The following AMPD3 variants were observed in gnomAD, a reference collection of about 807,000 sequenced individuals.
AMPD3 encodes AMP deaminase 3.
In AMPD3, 57 loss-of-function variants were observed where a neutral mutation model predicts 82.3. The ratio of observed to expected loss-of-function variants is 0.69; its 90% CI spans 0.56 to 0.86. The LOEUF (loss-of-function observed/expected upper bound fraction) is 0.86, where lower values mean the gene tolerates loss of function less well. AMPD3 is among the 40% of genes least tolerant of loss of function. The pLI, the probability that AMPD3 is intolerant of heterozygous loss-of-function variation, is 0.00. For missense variants in AMPD3, 870 were observed against 1,003.8 expected, an observed-to-expected ratio of 0.87 and a Z score of 1.80; for synonymous variants, 381 against 394.7, an observed-to-expected ratio of 0.97 and a Z score of 0.41.
At chr11:10,459,806 C>T (rs1848205319) in intron 1 of AMPD3, among the ~76,000 whole-genome samples, 1 of 151,766 alleles carries the variant, frequency 6.6e-6, no homozygotes, top group South Asian at 2.1e-4. Flanking sequence ...GGGACAGAGG[C>T]AGGAACCAGG....
chr11:10,461,637 C>G lies in AMPD3; in HGVS notation c.118C>G (p.Leu40Val). The G allele has an allele frequency of 1.2e-6, 2 of 1,614,268 alleles. No individual in the cohort carries two copies. The highest frequency in any genetic ancestry group is 1.7e-6 in the Non-Finnish European group (2 of 1,180,044). Residue 40 changes from leucine (L) to valine (V), a missense_variant, in exon 2 of 15, where the codon CTG (leucine) becomes GTG (valine). Coordinates refer to ENST00000396553, the MANE Select transcript of AMPD3 (RefSeq NM_001025389.2). Reference protein sequence around the residue: ...REEDSKDALSLFTVPEDCPIG... With the variant: ...REEDSKDALSVFTVPEDCPIG... Reference sequence around the variant, plus strand: ...AGAGGACAGCAAAGATGCCCTGTCCCTGTTCACTGTCCCAGAGGACTGCCC... The same window carrying G: ...AGAGGACAGCAAAGATGCCCTGTCCGTGTTCACTGTCCCAGAGGACTGCCC...
intron 2 of AMPD3, among the ~76,000 whole-genome samples, chr11:10,468,511 A>G (rs1050575532): frequency 3.3e-5 from 5 of 152,222 alleles, no homozygotes; most frequent in Non-Finnish European, 5.9e-5. Flanking sequence ...GAGCACCCAG[A>G]TTCATAAAGC....
At chr11:10,455,992 G>A in intron 1 of AMPD3, 1 of 985,380 alleles carries the variant, frequency 1.0e-6, no homozygotes, top group East Asian at 1.1e-4. Flanking sequence ...GGAGGCTGTG[G>A]CTTATCTCCT....
At position 10,456,494 on chromosome 11, in the gene AMPD3, C is replaced by G; in HGVS notation, c.-6+1046C>G. 3 of 1,613,282 alleles carry G rather than the reference C, an allele frequency of 1.9e-6. No homozygotes were observed. The highest frequency in any genetic ancestry group is 2.5e-6 in the Non-Finnish European group (3 of 1,179,434). ...GGGGATTTCAGTGGCACTGGGCTTC[C>G]TTTCTGGAGGGACTGTGGCACCATG... On this transcript the variant is annotated intron_variant, in intron 1 of 14. Coordinates refer to ENST00000396553, the MANE Select transcript of AMPD3 (RefSeq NM_001025389.2). The surrounding 1 kb of genome is among the most constrained non-coding windows in gnomAD (Gnocchi z 4.3).
At position 10,477,846 on chromosome 11, in the gene AMPD3, G is replaced by A. The variant is rs373169412; in HGVS notation, c.222-680G>A. 17 of 980,910 alleles carry A rather than the reference G, an allele frequency of 1.7e-5. No homozygotes were observed. The African/African-American group carries it at 2.4e-4, about 14-fold the overall frequency. The allele number at this position is 980,910 out of a possible 1,614,324, so 60.8% of individuals were successfully genotyped here. On this transcript the variant is annotated intron_variant, in intron 2 of 14. Transcript: ENST00000396553. ...CTGGGAAAGTGTCTGTGAGAAGTAGGCTGATCTTGCAGATCTCCTTGGCAC... is the reference window on the plus strand; with the variant it reads ...CTGGGAAAGTGTCTGTGAGAAGTAGACTGATCTTGCAGATCTCCTTGGCAC...
intron 2 of AMPD3, chr11:10,477,963 C>T (rs1232058813): frequency 1.0e-6 from 1 of 985,324 alleles, no homozygotes; most frequent in Non-Finnish European, 1.2e-6. Flanking sequence ...GTCTCGACTC[C>T]TTTGTAAAAC....
chr11:10,482,566 C>T (rs1258787607), intron 4 of AMPD3, among the ~76,000 whole-genome samples: 1 of 151,678 alleles, frequency 6.6e-6, no homozygotes, highest in African/African-American at 2.4e-5. Context: ...GGCTGGCATG[C>T]AGTGGTGCAA....
intron 2 of AMPD3, 85 bp downstream of exon 2, chr11:10,461,825 C>A (rs1848279903): frequency 7.9e-7 from 1 of 1,272,116 alleles, no homozygotes; most frequent in South Asian, 1.3e-5. Context: ...TATGAGGCAC[C>A]TCATGGGGAC....
chr11:10,479,023 C>G (rs930963845), intron 3 of AMPD3, among the ~76,000 whole-genome samples: 4 of 152,172 alleles, frequency 2.6e-5, no homozygotes, highest in African/African-American at 9.6e-5. Context: ...TGGAATTGGT[C>G]CCTGTAGCCT....
At chr11:10,503,470 C>G (rs960790167) in intron 13 of AMPD3, among the ~76,000 whole-genome samples, 1 of 152,182 alleles carries the variant, frequency 6.6e-6, no homozygotes, top group African/African-American at 2.4e-5. Context: ...AAAACAGAAG[C>G]ACCAGAGTCT....
intron 1 of AMPD3, 39 bp downstream of exon 1, chr11:10,455,487 A>T: frequency 5.2e-6 from 5 of 959,230 alleles, no homozygotes; most frequent in Non-Finnish European, 6.2e-6. Flanking sequence ...CCGGTGGGTC[A>T]GTTGGGGTGT....
rs149625321 is a variant in AMPD3, at chr11:10,461,428, G to C, written c.-5-87G>C. On this transcript the variant is annotated intron_variant, in intron 1 of 14. Coordinates refer to ENST00000396553, the MANE Select transcript of AMPD3 (RefSeq NM_001025389.2). ...GACAGCTGACCCCAAGTACCAGGTG[G>C]GCCTGGCCCTCACTTCAGTGCCTTC... The C allele has an allele frequency of 1.1e-4, 170 of 1,607,354 alleles. No individual in the cohort carries two copies. The East Asian group carries it at 3.7e-3, about 35-fold the overall frequency.
intron 9 of AMPD3, 90 bp from the exon 10 acceptor site, chr11:10,496,722 A>C: frequency 1.2e-6 from 2 of 1,600,872 alleles, no homozygotes; most frequent in African/African-American, 2.7e-5. Context: ...ATGGGGACAC[A>C]GGGTGCCTGA....
At chr11:10,460,573 A>AT (rs1211113406) in intron 1 of AMPD3, among the ~76,000 whole-genome samples, 2 of 151,348 alleles carry the variant, frequency 1.3e-5, no homozygotes, top group African/African-American at 4.9e-5. Context: ...CGCCTGGCTA[A>AT]TTTTTTTGTA....
At chr11:10,451,504 G>A (rs1293970599), upstream of AMPD3, among the ~76,000 whole-genome samples, 1 of 152,208 alleles carries the variant, frequency 6.6e-6, no homozygotes, top group Non-Finnish European at 1.5e-5. Flanking sequence ...CAAGGGAGGT[G>A]TACAGCCTTG....
At chr11:10,502,471 G>A (rs2133944173) in intron 12 of AMPD3, 2 of 985,476 alleles carry the variant, frequency 2.0e-6, no homozygotes, top group Middle Eastern at 5.2e-4. Flanking sequence ...GAGCAAGAAT[G>A]AGCACTTCCA....
rs1478995460 is a variant in AMPD3 at position 10,500,104 on chromosome 11, G to T, written c.1576G>T (p.Val526Leu). Residue 526 changes from valine to leucine, a missense_variant, in exon 11 of 15, where the codon GTG (valine) becomes TTG (leucine). Physicochemically the swap from Val to Leu is conservative, Grantham distance 32. Coordinates refer to ENST00000396553, the MANE Select transcript of AMPD3 (RefSeq NM_001025389.2). ...TGCCCAGGTGACGGGGTTTGACAGC[G>T]TGGATGATGAGTCCAAGCACAGCGA... ...FLKYVTGFDS[V>L]DDESKHSDHM... 1 of 1,614,064 alleles carries T rather than the reference G, an allele frequency of 6.2e-7. No homozygotes were observed. The highest frequency in any genetic ancestry group is 1.3e-5 in the African/African-American group (1 of 74,916).
chr11:10,462,494 C>T (rs995911684), intron 2 of AMPD3, among the ~76,000 whole-genome samples: 3 of 152,158 alleles, frequency 2.0e-5, no homozygotes, highest in Middle Eastern at 6.3e-3. Context: ...GAAGAGGTGG[C>T]AGCTGCAGAG....
upstream of AMPD3, chr11:10,450,715 C>T (rs1429818893): frequency 1.8e-6 from 2 of 1,097,972 alleles, no homozygotes; most frequent in Non-Finnish European, 2.2e-6. Context: ...CGGCGCGGCC[C>T]GGGCGCTTCA....
Sources: gnomAD v4.1 joint callset for allele counts (sites outside exome capture counted in the v4.1 genomes callset) on GRCh38, gnomAD v4.1.1 for gene constraint, Gnocchi (gnomAD v3.1) non-coding constraint, MANE v1.5 for transcripts, NCBI Gene and HGNC (gene_info 2026-07-23, HGNC 2026-07-21) for gene names.